CDH12: variants seen among roughly 807,000 people sequenced by gnomAD.
The protein encoded by CDH12 is cadherin-12.
In CDH12, 41 loss-of-function variants were observed where a neutral mutation model predicts 74.1. That is an observed-to-expected ratio of 0.55 (90% CI 0.43 to 0.72). CDH12 has a LOEUF of 0.72. Ranked by LOEUF, CDH12 falls within the 30% of genes least tolerant of loss-of-function variation. The pLI, the probability that CDH12 is intolerant of heterozygous loss-of-function variation, is 0.00. For missense variants in CDH12, 945 were observed against 977.2 expected, an observed-to-expected ratio of 0.97 and a Z score of 0.44; for synonymous variants, 399 against 355.0, an observed-to-expected ratio of 1.12 and a Z score of -1.39.
At chr5:22,235,414 C>T (rs1752527290) in intron 3 of CDH12, among the ~76,000 whole-genome samples, 1 of 152,058 alleles carries the variant, frequency 6.6e-6, no homozygotes, top group Non-Finnish European at 1.5e-5. Context: ...AACCCTGTCT[C>T]TACCAAAACT....
At chr5:21,946,575 ATTATT>A (rs1276508777) in intron 6 of CDH12, among the ~76,000 whole-genome samples, 1 of 152,186 alleles carries the variant, frequency 6.6e-6, no homozygotes, top group Non-Finnish European at 1.5e-5. Context: ...TTACACATAT[ATTATT>A]TTAACCAGTG....
intron 1 of CDH12, among the ~76,000 whole-genome samples, chr5:22,645,549 G>A (rs903780559): frequency 6.6e-6 from 1 of 152,006 alleles, no homozygotes; most frequent in Non-Finnish European, 1.5e-5. Flanking sequence ...CACAATACAG[G>A]AGTTAGAATA....
chr5:22,810,629 C>T (rs1749089644), intron 1 of CDH12, among the ~76,000 whole-genome samples: 1 of 152,074 alleles, frequency 6.6e-6, no homozygotes, highest in African/African-American at 2.4e-5. Context: ...GTAATCCCAG[C>T]ACTTTGGAAG....
chr5:21,802,593 CTTT>C lies in CDH12; in HGVS notation c.1003-176_1003-174del, dbSNP rs35742047. Among the ~76,000 whole-genome samples the C allele has an allele frequency of 1.1e-4, 13 of 120,202 alleles. No homozygotes were observed. The East Asian group carries it at 2.9e-3, about 27-fold the overall frequency. 78.9% of individuals were successfully genotyped at this position (120,202 alleles called of 152,430 possible). A position where few individuals can be genotyped will look rare whatever the true frequency, so the allele number is the denominator to read the frequency against. The stretch of plus-strand genomic sequence containing the variant: ...AGCACAAGGCAAACCATTTTTTTTT[CTTT>C]TTTTTTTTTTTTTGAGACAGAGTCT... On this transcript the variant is annotated intron_variant, in intron 9 of 14. Transcript: ENST00000382254.
intron 1 of CDH12, among the ~76,000 whole-genome samples, chr5:22,582,957 C>A (rs908131431): frequency 6.6e-6 from 1 of 151,966 alleles, no homozygotes; most frequent in Non-Finnish European, 1.5e-5. Flanking sequence ...GGCAATGAAA[C>A]CCCTGCTGCT....
chr5:22,598,376 G>A (rs1004556880), intron 1 of CDH12, among the ~76,000 whole-genome samples: 2 of 152,154 alleles, frequency 1.3e-5, no homozygotes, highest in African/African-American at 4.8e-5. Flanking sequence ...CTGATAATAA[G>A]TGAGTTCGCA....
chr5:22,583,633 A>G (rs1343559856), intron 1 of CDH12, among the ~76,000 whole-genome samples: 1 of 152,192 alleles, frequency 6.6e-6, no homozygotes, highest in East Asian at 1.9e-4. Flanking sequence ...ATAATGTAAA[A>G]CAAAAGTCAG....
At chr5:22,746,535 A>C in intron 1 of CDH12, among the ~76,000 whole-genome samples, 1 of 152,188 alleles carries the variant, frequency 6.6e-6, no homozygotes, top group East Asian at 1.9e-4. Flanking sequence ...GAAAATCAAC[A>C]CCAAGAAAGA....
intron 1 of CDH12, among the ~76,000 whole-genome samples, chr5:22,746,919 C>G (rs1245212663): frequency 6.6e-6 from 1 of 152,144 alleles, no homozygotes; most frequent in East Asian, 1.9e-4. Flanking sequence ...GCTTCCTAAA[C>G]ACAGCTGTAC....
At chr5:22,661,354 T>G (rs1447629702) in intron 1 of CDH12, among the ~76,000 whole-genome samples, 1 of 152,194 alleles carries the variant, frequency 6.6e-6, no homozygotes. Flanking sequence ...AAAAATCCTT[T>G]GTTTTGTTTT....
At chr5:21,976,761 T>C (rs1264792432) in intron 5 of CDH12, among the ~76,000 whole-genome samples, 3 of 152,050 alleles carry the variant, frequency 2.0e-5, no homozygotes, top group Non-Finnish European at 4.4e-5. Flanking sequence ...GCCTTAAAAA[T>C]CTGCATATGA....
chr5:22,695,052 G>A (rs779513931), intron 1 of CDH12, among the ~76,000 whole-genome samples: 3 of 151,776 alleles, frequency 2.0e-5, no homozygotes, highest in African/African-American at 4.8e-5. Flanking sequence ...ATCTGTCCTC[G>A]TTGTTCAACT....
chr5:22,258,116 TTG>T lies in CDH12; in HGVS notation c.-332-45475_-332-45474del, dbSNP rs545212385. On this transcript the variant is annotated intron_variant, in intron 3 of 14. Transcript: ENST00000382254. ...GTAAAGTTTTTTTTGCTTTTATTTT[TTG>T]TTTTTTACCATCTTGTGAAAGGTTT... Among the ~76,000 whole-genome samples, 271 of 152,290 alleles carry T rather than the reference TTG, an allele frequency of 1.8e-3. 1 individual carries two copies. Among genetic ancestry groups the T allele is most frequent in the African/African-American group, 6.2e-3 (258 of 41,562 alleles).
intron 6 of CDH12, among the ~76,000 whole-genome samples, chr5:21,935,437 T>C (rs1016137440): frequency 6.6e-6 from 1 of 152,160 alleles, no homozygotes; most frequent in Non-Finnish European, 1.5e-5. Context: ...TAAACTAAGA[T>C]GTAACATTTC....
chr5:21,779,549 A>G (rs1745793257), intron 11 of CDH12: 1 of 152,234 alleles, frequency 6.6e-6, no homozygotes, highest in Admixed American at 6.5e-5. Flanking sequence ...TAGAAGTCTA[A>G]TAAAATTATT....
At chr5:21,861,180 T>C (rs1751025246) in intron 6 of CDH12, among the ~76,000 whole-genome samples, 1 of 151,876 alleles carries the variant, frequency 6.6e-6, no homozygotes, top group South Asian at 2.1e-4. Flanking sequence ...AGGACTCCTG[T>C]GGGGTTTAAC....
chr5:21,918,443 AGGCTG>A (rs987942879), intron 6 of CDH12, among the ~76,000 whole-genome samples: 1 of 151,962 alleles, frequency 6.6e-6, no homozygotes, highest in African/African-American at 2.4e-5. Flanking sequence ...GACATACCCG[AGGCTG>A]GGTAATTTAT....
intron 5 of CDH12, among the ~76,000 whole-genome samples, chr5:22,069,027 A>C (rs2150214366): frequency 6.6e-6 from 1 of 152,308 alleles, no homozygotes; most frequent in Admixed American, 6.5e-5. Flanking sequence ...TCATCATGGA[A>C]GGAGCAGCAT....
At chr5:22,580,234 A>G (rs1740014420) in intron 1 of CDH12, 1 of 320,078 alleles carries the variant, frequency 3.1e-6, no homozygotes, top group Non-Finnish European at 6.3e-6. Context: ...TCAATCTTCT[A>G]ACATCTCCAA....
Sources: allele counts gnomAD v4.1 joint callset (sites outside exome capture counted in the v4.1 genomes callset), GRCh38; gene constraint gnomAD v4.1.1; transcripts MANE v1.5; gene names NCBI Gene and HGNC (gene_info 2026-07-23, HGNC 2026-07-21).